PLEKHA6: variants seen among roughly 807,000 people sequenced by gnomAD.
PLEKHA6 encodes the protein pleckstrin homology domain-containing family A member 6.
PLEKHA6 carries 60 observed loss-of-function variants against 116.7 expected under a neutral mutation model. The ratio of observed to expected loss-of-function variants is 0.51; its 90% CI spans 0.42 to 0.64. The LOEUF (loss-of-function observed/expected upper bound fraction) is 0.64. PLEKHA6 is among the 30% of genes least tolerant of loss of function. PLEKHA6 has a pLI of 0.00. For missense variants in PLEKHA6, 1,338 were observed against 1,422.7 expected (o/e 0.94, Z 0.96); for synonymous variants, 489 against 556.1 (o/e 0.88, Z 1.70).
chr1:204,269,320 C>T (rs1284812743), intron 3 of PLEKHA6, among the ~76,000 whole-genome samples: 10 of 62,806 alleles, frequency 1.6e-4, no homozygotes, highest in South Asian at 4.4e-4. Context: ...TATATCAACC[C>T]GGCTCTCAGA....
chr1:204,286,509 G>A (rs563384426), intron 1 of PLEKHA6, among the ~76,000 whole-genome samples: 1 of 152,160 alleles, frequency 6.6e-6, no homozygotes, highest in Non-Finnish European at 1.5e-5. Context: ...CTGAGTAACA[G>A]GTGAGCCTGC....
rs148957158 is a variant in PLEKHA6 at position 204,252,708 on chromosome 1, G to A, written c.1525-2094C>T. Among the ~76,000 whole-genome samples, 120 of 152,274 alleles carry A rather than the reference G, an allele frequency of 7.9e-4. 1 individual carries two copies. The highest frequency in any genetic ancestry group is 2.6e-3 in the African/African-American group (106 of 41,558). On this transcript the variant is annotated intron_variant, in intron 9 of 22. Transcript: ENST00000272203. Reference sequence around the variant, plus strand: ...CTTCCTCTTACCCCTTTTAGGCAGCGGCCCACATACAGCCTTGCTTCTACA... The same window carrying A: ...CTTCCTCTTACCCCTTTTAGGCAGCAGCCCACATACAGCCTTGCTTCTACA...
At chr1:204,327,551 G>A (rs1390464288) in intron 1 of PLEKHA6, among the ~76,000 whole-genome samples, 1 of 152,236 alleles carries the variant, frequency 6.6e-6, no homozygotes, top group African/African-American at 2.4e-5. Context: ...TTGGCACCTT[G>A]CAAGCAGACT....
intron 1 of PLEKHA6, among the ~76,000 whole-genome samples, chr1:204,352,962 G>A (rs916506305): frequency 1.3e-5 from 2 of 152,090 alleles, no homozygotes; most frequent in Middle Eastern, 3.2e-3. Flanking sequence ...TCCAGCCTGG[G>A]GGACAGAGTG....
chr1:204,245,094 G>A, intron 14 of PLEKHA6, 91 bp from the exon 15 acceptor site: 1 of 898,194 alleles, frequency 1.1e-6, no homozygotes, highest in Non-Finnish European at 1.6e-6. Context: ...GCAGGGAGAA[G>A]CCAGATCCAG....
At chr1:204,301,485 A>G (rs1236839394) in intron 1 of PLEKHA6, 2 of 985,286 alleles carry the variant, frequency 2.0e-6, no homozygotes, top group Non-Finnish European at 2.4e-6. Flanking sequence ...CACAGAGTCC[A>G]AACACGCCAC....
chr1:204,248,932 C>T lies in PLEKHA6; in HGVS notation c.1713G>A (p.Glu571=), dbSNP rs1374341221. The change falls in exon 12 of 23, where the codon GAG becomes GAA. Residue 571 remains glutamate, a synonymous_variant. Transcript: ENST00000272203. ...CGGGCTGGCTTCCAAACATCTCCAG[C>T]TCCTGGTGGGTCCCCATCAAGGCAC... The part of the protein sequence containing the change: ...LESALMGTHQ[E]LEMFGSQPAY... 3 of 1,614,024 alleles carry T rather than the reference C, an allele frequency of 1.9e-6. No homozygotes were observed. Among genetic ancestry groups the T allele is most frequent in the Non-Finnish European group, 2.5e-6 (3 of 1,180,036 alleles).
chr1:204,324,042 C>T (rs1157860594), intron 1 of PLEKHA6, among the ~76,000 whole-genome samples: 1 of 152,116 alleles, frequency 6.6e-6, no homozygotes, highest in Admixed American at 6.5e-5. Flanking sequence ...TGAGTGAGAC[C>T]TGAAGTCACA....
chr1:204,241,882 T>A, intron 15 of PLEKHA6, 68 bp from the exon 16 acceptor site: 1 of 1,538,760 alleles, frequency 6.5e-7, no homozygotes, highest in East Asian at 2.2e-5. Context: ...CCCAGTGATG[T>A]TTCTTTGTTT....
intron 1 of PLEKHA6, among the ~76,000 whole-genome samples, chr1:204,326,369 C>A (rs1672244794): frequency 6.6e-6 from 1 of 152,170 alleles, no homozygotes; most frequent in African/African-American, 2.4e-5. Context: ...CCACTATGTG[C>A]AAAGCACTGG....
chr1:204,246,882 T>C (rs980903445), intron 13 of PLEKHA6, among the ~76,000 whole-genome samples: 1 of 152,210 alleles, frequency 6.6e-6, no homozygotes, highest in African/African-American at 2.4e-5. Flanking sequence ...ATGCCTGTAA[T>C]CCCAGCAGTT....
upstream of PLEKHA6, among the ~76,000 whole-genome samples, chr1:204,364,743 T>C (rs545488372): frequency 6.6e-6 from 1 of 152,302 alleles, no homozygotes; most frequent in South Asian, 2.1e-4. Flanking sequence ...CTACTGGTTC[T>C]CGAAGTGTGG....
chr1:204,343,617 GGTACCACC>G (rs1672923386), intron 1 of PLEKHA6, among the ~76,000 whole-genome samples: 1 of 152,122 alleles, frequency 6.6e-6, no homozygotes, highest in Non-Finnish European at 1.5e-5. Flanking sequence ...ATGTTGAACT[GGTACCACC>G]GTGTGGAAGT....
chr1:204,314,705 T>C (rs1369406586), intron 1 of PLEKHA6, among the ~76,000 whole-genome samples: 1 of 152,238 alleles, frequency 6.6e-6, no homozygotes, highest in Non-Finnish European at 1.5e-5. Context: ...GTCTTTCTTC[T>C]AGGCCCTTAT....
intron 1 of PLEKHA6, among the ~76,000 whole-genome samples, chr1:204,276,801 G>A (rs538420827): frequency 1.3e-5 from 2 of 152,070 alleles, no homozygotes; most frequent in Admixed American, 6.5e-5. Context: ...ATTCTATCCC[G>A]GCACTACCAA....
intron 1 of PLEKHA6, chr1:204,309,701 T>C: frequency 2.2e-6 from 2 of 915,362 alleles, no homozygotes; most frequent in East Asian, 1.2e-4. Context: ...CTGTACAAGA[T>C]ATGGTAAATG....
chr1:204,226,249 T>C (rs1157735199), intron 21 of PLEKHA6, among the ~76,000 whole-genome samples: 1 of 152,130 alleles, frequency 6.6e-6, no homozygotes, highest in Non-Finnish European at 1.5e-5. Flanking sequence ...ACAGCCCTTT[T>C]TTAAATAGTT....
chr1:204,287,426 G>T (rs574215510), intron 1 of PLEKHA6, among the ~76,000 whole-genome samples: 2 of 152,244 alleles, frequency 1.3e-5, no homozygotes, highest in East Asian at 3.9e-4. Context: ...GAAGGGATGA[G>T]GGACCTGAAG....
At position 204,261,044 on chromosome 1, in the gene PLEKHA6, T is replaced by A. The variant is rs2102779460; in HGVS notation, c.524+262A>T. Among the ~76,000 whole-genome samples, 1 of 152,340 alleles carries A rather than the reference T, an allele frequency of 6.6e-6. No individual in the cohort carries two copies. Among genetic ancestry groups the A allele is most frequent in the African/African-American group, 2.4e-5 (1 of 41,570 alleles). On this transcript the variant is annotated intron_variant, in intron 7 of 22. Coordinates refer to ENST00000272203, the MANE Select transcript of PLEKHA6 (RefSeq NM_014935.5). The surrounding 1 kb of genome is among the most constrained non-coding windows in gnomAD (Gnocchi z 4.0). ...GCAAATGACCCTGACCTCTGGCTCC[T>A]GGCCAGACCCCAATGGAACCTGGCT... is the stretch of plus-strand genomic sequence containing the variant.
Sources: gnomAD v4.1 joint callset for allele counts (sites outside exome capture counted in the v4.1 genomes callset) on GRCh38, gnomAD v4.1.1 for gene constraint, Gnocchi (gnomAD v3.1) non-coding constraint, MANE v1.5 for transcripts, NCBI Gene and HGNC (gene_info 2026-07-23, HGNC 2026-07-21) for gene names.